Variants in DDX10 observed in about 807,000 individuals in gnomAD.
DDX10 encodes the protein probable ATP-dependent RNA helicase DDX10.
DDX10 carries 74 observed loss-of-function variants against 104.3 expected under a neutral mutation model. The observed-to-expected ratio is 0.71, with a 90% CI of 0.59 to 0.86. The LOEUF (loss-of-function observed/expected upper bound fraction) is 0.86. DDX10 is among the 40% of genes least tolerant of loss of function. The pLI is 0.00. For synonymous variants in DDX10, 351 were observed against 353.4 expected, an observed-to-expected ratio of 0.99 and a Z score of 0.08; for missense variants, 952 against 1,040.0, an observed-to-expected ratio of 0.92 and a Z score of 1.16.
chr11:108,678,286 G>A, intron 4 of DDX10, 29 bp from the exon 5 acceptor site: 1 of 1,602,790 alleles, frequency 6.2e-7, no homozygotes, highest in Non-Finnish European at 8.5e-7. Context: ...TGATGTGTCT[G>A]TGTAATCAAA....
intron 13 of DDX10, among the ~76,000 whole-genome samples, chr11:108,807,721 G>T (rs1862120231): frequency 6.6e-6 from 1 of 152,182 alleles, no homozygotes; most frequent in Non-Finnish European, 1.5e-5. Flanking sequence ...ACTTTTCTGG[G>T]TCTGGAACAC....
At chr11:108,794,260 C>G (rs1375163873) in intron 13 of DDX10, among the ~76,000 whole-genome samples, 2 of 151,514 alleles carry the variant, frequency 1.3e-5, no homozygotes, top group East Asian at 1.9e-4. Context: ...TGAGAGATCT[C>G]CATACTAGTT....
At chr11:108,725,418 A>G (rs1239048747) in intron 13 of DDX10, among the ~76,000 whole-genome samples, 1 of 152,060 alleles carries the variant, frequency 6.6e-6, no homozygotes, top group Admixed American at 6.6e-5. Context: ...AGCTCTTCCA[A>G]TTTGTGTTCT....
At position 108,919,238 on chromosome 11, in the gene DDX10, A is replaced by G. The variant is rs553240876; in HGVS notation, c.2450+1220A>G. 6 of 152,344 alleles carry G rather than the reference A, an allele frequency of 3.9e-5. No individual in the cohort carries two copies. The East Asian group carries it at 9.6e-4, about 24-fold the overall frequency. The allele number at this position is 152,344 out of a possible 1,614,324, so 9.4% of individuals were successfully genotyped here. A position where few individuals can be genotyped will look rare whatever the true frequency, so the allele number is the denominator to read the frequency against. On this transcript the variant is annotated intron_variant, in intron 17 of 17. Transcript: ENST00000322536. ...GTTGAACATATGAGCTTTATATAGT[A>G]TGTGTAGGCTCTAGGTAGTGGACAT...
At chr11:108,717,575 G>C (rs1229766655) in intron 11 of DDX10, among the ~76,000 whole-genome samples, 1 of 152,198 alleles carries the variant, frequency 6.6e-6, no homozygotes, top group African/African-American at 2.4e-5. Flanking sequence ...GCCTCCCAAA[G>C]TGCTGGTATT....
chr11:108,812,693 T>A (rs1048952680), intron 13 of DDX10, among the ~76,000 whole-genome samples: 4 of 152,074 alleles, frequency 2.6e-5, no homozygotes, highest in South Asian at 2.1e-4. Context: ...CATAAAAAAA[T>A]GCCATCAGCT....
At chr11:108,821,952 GAC>G (rs971058335) in intron 13 of DDX10, among the ~76,000 whole-genome samples, 10 of 152,166 alleles carry the variant, frequency 6.6e-5, no homozygotes, top group Admixed American at 3.9e-4. Context: ...TTGGTTCTGA[GAC>G]AGTGTGAAGG....
intron 2 of DDX10, among the ~76,000 whole-genome samples, chr11:108,674,294 C>T (rs1289195612): frequency 1.3e-5 from 2 of 150,224 alleles, no homozygotes; most frequent in South Asian, 2.1e-4. Flanking sequence ...AGTGAGACAC[C>T]GTCTCAAAAA....
chr11:108,792,408 A>G (rs1861883840), intron 13 of DDX10, among the ~76,000 whole-genome samples: 1 of 152,206 alleles, frequency 6.6e-6, no homozygotes, highest in Non-Finnish European at 1.5e-5. Context: ...ATTTAGGCAT[A>G]TGATCCATTT....
chr11:108,930,845 T>C (rs1173091833), intron 17 of DDX10, among the ~76,000 whole-genome samples: 1 of 152,226 alleles, frequency 6.6e-6, no homozygotes, highest in East Asian at 1.9e-4. Flanking sequence ...TAGCCCTTCC[T>C]TATGAACAGG....
At chr11:108,734,688 G>T (rs2094316308) in intron 13 of DDX10, among the ~76,000 whole-genome samples, 1 of 151,932 alleles carries the variant, frequency 6.6e-6, no homozygotes, top group Non-Finnish European at 1.5e-5. Context: ...CTACTTTTGT[G>T]GTTGAAGTTT....
intron 13 of DDX10, among the ~76,000 whole-genome samples, chr11:108,741,674 G>A (rs2094325356): frequency 6.6e-6 from 1 of 152,126 alleles, no homozygotes; most frequent in Non-Finnish European, 1.5e-5. Flanking sequence ...CTTTGTTGAA[G>A]TTTATCAGAT....
At chr11:108,901,463 A>C (rs1156706753) in intron 16 of DDX10, among the ~76,000 whole-genome samples, 4 of 152,198 alleles carry the variant, frequency 2.6e-5, no homozygotes, top group Non-Finnish European at 5.9e-5. Flanking sequence ...ACCAAGTCTA[A>C]AACTGTGAGC....
intron 16 of DDX10, among the ~76,000 whole-genome samples, chr11:108,871,608 C>T (rs1378902770): frequency 6.6e-6 from 1 of 152,188 alleles, no homozygotes; most frequent in African/African-American, 2.4e-5. Flanking sequence ...CTCCATCCTC[C>T]TCCTTACCAG....
intron 9 of DDX10, among the ~76,000 whole-genome samples, chr11:108,699,224 T>C (rs1171351714): frequency 6.6e-6 from 1 of 152,158 alleles, no homozygotes; most frequent in Non-Finnish European, 1.5e-5. Flanking sequence ...CCTAATATGT[T>C]AATTATTTAT....
chr11:108,790,651 G>T (rs1365401767), intron 13 of DDX10, among the ~76,000 whole-genome samples: 1 of 152,114 alleles, frequency 6.6e-6, no homozygotes, highest in African/African-American at 2.4e-5. Flanking sequence ...GAGGATGTAG[G>T]TGTACTCAGA....
intron 13 of DDX10, among the ~76,000 whole-genome samples, chr11:108,784,266 A>C (rs1861754990): frequency 6.6e-6 from 1 of 152,166 alleles, no homozygotes; most frequent in Non-Finnish European, 1.5e-5. Context: ...TTGCCTTCCT[A>C]CAAACAGCAT....
intron 10 of DDX10, 129 bp downstream of exon 10, chr11:108,706,966 GC>G (rs2094277036): frequency 2.8e-6 from 2 of 717,914 alleles, no homozygotes; most frequent in East Asian, 5.2e-5. Context: ...TTATAAAAAG[GC>G]TCTTTTTAGA....
intron 16 of DDX10, among the ~76,000 whole-genome samples, chr11:108,902,440 C>T (rs569410861): frequency 6.6e-6 from 1 of 152,132 alleles, no homozygotes; most frequent in Admixed American, 6.5e-5. Flanking sequence ...TGGAGTCAAA[C>T]GTACTGGGAT....
Sources: gnomAD v4.1 joint callset for allele counts (sites outside exome capture counted in the v4.1 genomes callset) on GRCh38, gnomAD v4.1.1 for gene constraint, MANE v1.5 for transcripts, NCBI Gene and HGNC (gene_info 2026-07-23, HGNC 2026-07-21) for gene names.